The following TANC1 variants were observed in gnomAD, a reference collection of about 807,000 sequenced individuals.
The protein encoded by TANC1 is protein TANC1.
Under a neutral mutation model 149.7 loss-of-function variants are expected in TANC1, and 77 were observed. The observed-to-expected ratio is 0.51, with a 90% CI of 0.43 to 0.62. The LOEUF is 0.62. TANC1 is among the 20% of genes least tolerant of loss of function. TANC1 has a pLI of 0.00. For synonymous variants in TANC1, 854 were observed against 925.0 expected (o/e 0.92, Z 1.39); for missense variants, 1,985 against 2,321.8 (o/e 0.85, Z 2.98).
At chr2:159,053,886 CA>C (rs906461807) in intron 2 of TANC1, among the ~76,000 whole-genome samples, 1 of 152,178 alleles carries the variant, frequency 6.6e-6, no homozygotes, top group African/African-American at 2.4e-5. Context: ...TGTTCTGTTG[CA>C]TGGTGCCTCC....
chr2:159,019,930 AGCAAAAGTCTTG>A (rs2038674660), intron 2 of TANC1, among the ~76,000 whole-genome samples: 1 of 151,864 alleles, frequency 6.6e-6, no homozygotes, highest in Non-Finnish European at 1.5e-5. Flanking sequence ...ATGCATGCTG[AGCAAAAGTCTTG>A]AAAGCACTCA....
At chr2:159,002,380 C>T (rs1485111896) in intron 2 of TANC1, among the ~76,000 whole-genome samples, 1 of 152,166 alleles carries the variant, frequency 6.6e-6, no homozygotes, top group Non-Finnish European at 1.5e-5. Context: ...GACTGAATAT[C>T]TTTCTAATGC....
intron 8 of TANC1, 121 bp from the exon 9 acceptor site, chr2:159,169,129 G>GT: frequency 1.5e-6 from 1 of 669,618 alleles, no homozygotes. Context: ...TCAAAATGAA[G>GT]TTTAAGTAAA....
At position 159,186,873 on chromosome 2, in the gene TANC1, T is replaced by G. The variant is rs774208869; in HGVS notation, c.2620-29T>G. 42 of 1,613,856 alleles carry G rather than the reference T, an allele frequency of 2.6e-5. No homozygotes were observed. The South Asian group carries it at 4.6e-4, about 18-fold the overall frequency. ...GCTCAGGCAGATCTGTCTCTGATTG[T>G]TTCCAAGATCTGTCTCGATTGTTTC... On this transcript the variant is annotated intron_variant, in intron 15 of 26. Coordinates refer to ENST00000263635, the MANE Select transcript of TANC1 (RefSeq NM_033394.3).
chr2:159,195,787 C>A (rs10187095), intron 17 of TANC1, among the ~76,000 whole-genome samples: 5,132 of 152,276 alleles, frequency 0.034, 118 homozygotes, highest in African/African-American at 0.065. Context: ...GGCCTCCCCC[C>A]ATCACAGCTG....
Position 159,229,730 on chromosome 2 carries a change from C to T in TANC1, c.4304C>T (p.Pro1435Leu). 3 of 1,614,016 alleles carry T rather than the reference C, an allele frequency of 1.9e-6. No individual in the cohort carries two copies. Among genetic ancestry groups the T allele is most frequent in the East Asian group, 2.2e-5 (1 of 44,852 alleles). Residue 1435 changes from proline (P) to leucine (L), a missense_variant, in exon 27 of 27, where the codon CCA becomes CTA. Pro to Leu is a moderately conservative substitution (Grantham distance 98). Transcript: ENST00000263635. ...QQKQQGPLPA[P>L]LNDSENEEDT... ...AAACAGCAGGGCCCGCTACCAGCTC[C>T]ACTCAACGACTCCGAGAACGAAGAG... is the stretch of plus-strand genomic sequence containing the variant.
At chr2:159,070,567 T>C (rs986251899) in intron 3 of TANC1, among the ~76,000 whole-genome samples, 6 of 152,164 alleles carry the variant, frequency 3.9e-5, no homozygotes, top group Non-Finnish European at 8.8e-5. Flanking sequence ...TTTAAAACAC[T>C]ACAAAATTGA....
intron 7 of TANC1, among the ~76,000 whole-genome samples, chr2:159,162,554 C>G (rs7562520): frequency 0.036 from 5,455 of 152,274 alleles, 166 homozygotes; most frequent in Middle Eastern, 0.065. Flanking sequence ...GTTCTTTCTG[C>G]TCTTTTGCCA....
chr2:158,978,303 A>G (rs1559092547), intron 1 of TANC1, among the ~76,000 whole-genome samples: 1 of 152,168 alleles, frequency 6.6e-6, no homozygotes, highest in Non-Finnish European at 1.5e-5. Context: ...AGCTCCATGT[A>G]CATGAAAGGA....
intron 19 of TANC1, among the ~76,000 whole-genome samples, chr2:159,208,940 A>G (rs1286424587): frequency 2.6e-5 from 4 of 152,256 alleles, no homozygotes; most frequent in African/African-American, 4.8e-5. Context: ...GTAGGCAGCT[A>G]TAACACAAAG....
intron 4 of TANC1, among the ~76,000 whole-genome samples, chr2:159,117,985 G>GTACTGGAGTTTTTCTC (rs2048463522): frequency 2.5e-5 from 3 of 120,282 alleles, no homozygotes; most frequent in Non-Finnish European, 5.4e-5. Context: ...GAATTTTTCT[G>GTACTGGAGTTTTTCTC]TACTGGAGTT....
At chr2:159,087,666 C>A (rs1432369536) in intron 3 of TANC1, among the ~76,000 whole-genome samples, 1 of 151,570 alleles carries the variant, frequency 6.6e-6, no homozygotes, top group African/African-American at 2.4e-5. Flanking sequence ...AGCCACCACA[C>A]CTGGCCAATG....
At chr2:159,016,667 C>T (rs576702261) in intron 2 of TANC1, among the ~76,000 whole-genome samples, 72 of 151,814 alleles carry the variant, frequency 4.7e-4, no homozygotes, top group African/African-American at 1.4e-3. Context: ...CTCTGCCTCC[C>T]GGGTTCATGC....
At position 159,230,255 on chromosome 2, in the gene TANC1, A is replaced by C; in HGVS notation, c.4829A>C (p.Gln1610Pro). The C allele has an allele frequency of 1.9e-6, 3 of 1,614,004 alleles. No individual in the cohort carries two copies. The highest frequency in any genetic ancestry group is 1.1e-5 in the South Asian group (1 of 91,086). ...RLGPSQNVRL[Q>P]CGENGPAHPL... ...GGCCCCAGCCAGAATGTCCGCCTGCAGTGTGGTGAGAATGGCCCTGCACAC... is the reference window on the plus strand; with the variant it reads ...GGCCCCAGCCAGAATGTCCGCCTGCCGTGTGGTGAGAATGGCCCTGCACAC... Residue 1610 changes from glutamine to proline, a missense_variant, in exon 27 of 27, where the codon CAG (glutamine) becomes CCG (proline). This residue lies in a region of TANC1 where 920 missense variants were observed against 994.7 expected (regional missense o/e 0.92). Coordinates refer to ENST00000263635, the MANE Select transcript of TANC1 (RefSeq NM_033394.3). The surrounding 1 kb of genome is among the most constrained non-coding windows in gnomAD (Gnocchi z 4.4).
At chr2:158,988,249 C>T (rs1328177530) in intron 1 of TANC1, among the ~76,000 whole-genome samples, 1 of 151,406 alleles carries the variant, frequency 6.6e-6, no homozygotes, top group African/African-American at 2.4e-5. Flanking sequence ...TTGCTTGAAC[C>T]CCGGGAGGTG....
At chr2:159,095,733 C>CAAA (rs61191170) in intron 3 of TANC1, among the ~76,000 whole-genome samples, 40 of 100,392 alleles carry the variant, frequency 4.0e-4, no homozygotes, top group African/African-American at 8.1e-4. Flanking sequence ...AAGACTGTCT[C>CAAA]AAAAAAAAAA....
At chr2:159,118,543 C>A (rs1249983073) in intron 4 of TANC1, among the ~76,000 whole-genome samples, 1 of 152,162 alleles carries the variant, frequency 6.6e-6, no homozygotes, top group Non-Finnish European at 1.5e-5. Flanking sequence ...TGAGATAAGT[C>A]CTCTCAGGTG....
At chr2:159,146,817 A>G (rs2052167915) in intron 5 of TANC1, among the ~76,000 whole-genome samples, 4 of 152,104 alleles carry the variant, frequency 2.6e-5, no homozygotes, top group Admixed American at 2.6e-4. Flanking sequence ...CTGGGATTAC[A>G]GGCGTGAGCC....
intron 2 of TANC1, among the ~76,000 whole-genome samples, chr2:159,063,558 T>C (rs899717600): frequency 1.3e-5 from 2 of 152,242 alleles, no homozygotes; most frequent in African/African-American, 4.8e-5. Flanking sequence ...GGAGGATGGT[T>C]CCTTATTTTT....
Sources: gnomAD v4.1 joint callset for allele counts (sites outside exome capture counted in the v4.1 genomes callset) on GRCh38, gnomAD v4.1.1 for gene constraint, gnomAD v4.1.1 regional missense constraint, Gnocchi (gnomAD v3.1) non-coding constraint, MANE v1.5 for transcripts, NCBI Gene and HGNC (gene_info 2026-07-23, HGNC 2026-07-21) for gene names.